Variants in COP1 observed in about 807,000 individuals in gnomAD.
COP1 encodes the protein E3 ubiquitin-protein ligase COP1.
A neutral mutation model predicts 101.3 loss-of-function variants in COP1; 24 were observed. The ratio of observed to expected loss-of-function variants is 0.24; its 90% CI spans 0.17 to 0.33. The LOEUF (loss-of-function observed/expected upper bound fraction) is 0.33, where lower values mean the gene tolerates loss of function less well. Among genes scored for constraint, COP1 ranks in the 10% least tolerant of loss-of-function variants. The pLI is 1.00. For synonymous variants in COP1, 347 were observed against 341.9 expected (o/e 1.01, Z -0.17); for missense variants, 663 against 906.2 (o/e 0.73, Z 3.45).
At chr1:175,994,647 A>G (rs1429221095) in intron 15 of COP1, among the ~76,000 whole-genome samples, 1 of 152,252 alleles carries the variant, frequency 6.6e-6, no homozygotes, top group African/African-American at 2.4e-5. Flanking sequence ...ACAGACAAAG[A>G]AGGCCATTAC....
intron 14 of COP1, among the ~76,000 whole-genome samples, chr1:176,030,891 G>A (rs955194354): frequency 6.6e-6 from 1 of 152,172 alleles, no homozygotes; most frequent in African/African-American, 2.4e-5. Flanking sequence ...CGTCAGACTA[G>A]ATTAGGATGG....
intron 11 of COP1, among the ~76,000 whole-genome samples, chr1:176,066,475 T>C (rs928492514): frequency 6.6e-6 from 1 of 152,116 alleles, no homozygotes; most frequent in African/African-American, 2.4e-5. Context: ...ACTTTGCCCA[T>C]TTTATCCTAA....
chr1:175,979,135 A>G (rs1443204589), intron 18 of COP1, among the ~76,000 whole-genome samples: 1 of 152,094 alleles, frequency 6.6e-6, no homozygotes, highest in Non-Finnish European at 1.5e-5. Flanking sequence ...TGTTCATATA[A>G]TTTCCCAAGG....
Position 176,099,516 on chromosome 1 carries a change from TC to T in COP1, c.1027-13627del, listed in dbSNP as rs1320509083. The stretch of plus-strand genomic sequence containing the variant: ...TTTGGAGCATATTTGTCTCTCTCTC[TC>T]TCTCTCTCTCTCTCTCTCTCTCTCC... On this transcript the variant is annotated intron_variant, in intron 9 of 19. Transcript: ENST00000367669. Among the ~76,000 whole-genome samples, 730 of 119,670 alleles carry T rather than the reference TC, an allele frequency of 6.1e-3. 2 individuals carry two copies. Among genetic ancestry groups the T allele is most frequent in the Non-Finnish European group, 9.9e-3 (522 of 52,800 alleles). The allele number at this position is 119,670 out of a possible 152,430, so 78.5% of individuals were successfully genotyped here.
intron 9 of COP1, among the ~76,000 whole-genome samples, chr1:176,108,676 G>C (rs779210767): frequency 6.6e-6 from 1 of 151,492 alleles, no homozygotes; most frequent in Non-Finnish European, 1.5e-5. Flanking sequence ...GATTTCTTTG[G>C]TATCTAGTAT....
Position 176,207,127 on chromosome 1 carries a change from T to A in COP1, c.-149A>T. 1.8e-6 allele frequency: 1 copy of A among 564,562 alleles called. No individual in the cohort carries two copies. The highest frequency in any genetic ancestry group is 3.5e-5 in the East Asian group (1 of 28,610). 35.0% of individuals were successfully genotyped at this position (564,562 alleles called of 1,614,324 possible). ...TGAGGAACAATAAAGTTGCGTTTTT[T>A]TTTAAGGCAGCCACACAACAGCGTC... is the stretch of plus-strand genomic sequence containing the variant. On this transcript the variant is annotated 5_prime_UTR_variant, in exon 1 of 20. Coordinates refer to ENST00000367669, the MANE Select transcript of COP1 (RefSeq NM_022457.7).
At chr1:176,149,664 T>C (rs1032509396) in intron 5 of COP1, among the ~76,000 whole-genome samples, 3 of 152,078 alleles carry the variant, frequency 2.0e-5, no homozygotes, top group Non-Finnish European at 2.9e-5. Flanking sequence ...GTAACTCAAA[T>C]TGGTAATTGA....
At chr1:176,184,564 T>C in intron 2 of COP1, 69 bp downstream of exon 2, 1 of 1,275,090 alleles carries the variant, frequency 7.8e-7, no homozygotes. Context: ...ACGTAACTTC[T>C]CATTGGCTAC....
intron 15 of COP1, among the ~76,000 whole-genome samples, chr1:176,014,763 T>G (rs979070357): frequency 1.3e-5 from 2 of 152,162 alleles, no homozygotes; most frequent in African/African-American, 4.8e-5. Context: ...TACATATATA[T>G]GTACACTATA....
chr1:176,111,649 T>C (rs1368255514), intron 9 of COP1, among the ~76,000 whole-genome samples: 1 of 152,202 alleles, frequency 6.6e-6, no homozygotes, highest in Non-Finnish European at 1.5e-5. Flanking sequence ...TCCTTAATGA[T>C]ACTAAGTTTT....
chr1:176,065,398 C>G (rs1675737814), intron 11 of COP1, among the ~76,000 whole-genome samples: 1 of 152,146 alleles, frequency 6.6e-6, no homozygotes, highest in Admixed American at 6.5e-5. Context: ...AGTTATCATA[C>G]CTAGGACAAA....
At chr1:176,039,604 T>C (rs900535586) in intron 14 of COP1, among the ~76,000 whole-genome samples, 2 of 151,944 alleles carry the variant, frequency 1.3e-5, no homozygotes, top group African/African-American at 4.8e-5. Context: ...TACCTTAAAA[T>C]TCATATAGAA....
chr1:176,102,216 C>A (rs1330501853), intron 9 of COP1, among the ~76,000 whole-genome samples: 2 of 152,130 alleles, frequency 1.3e-5, no homozygotes, highest in Non-Finnish European at 2.9e-5. Flanking sequence ...AGGCAAGAAA[C>A]CTGCTAGCAG....
At chr1:176,191,114 A>T (rs552671973) in intron 1 of COP1, among the ~76,000 whole-genome samples, 3 of 152,170 alleles carry the variant, frequency 2.0e-5, no homozygotes, top group South Asian at 4.1e-4. Flanking sequence ...TTTTACATGC[A>T]TTATATACTC....
intron 1 of COP1, among the ~76,000 whole-genome samples, chr1:176,204,089 C>T (rs184965072): frequency 9.2e-4 from 140 of 152,236 alleles, no homozygotes; most frequent in African/African-American, 3.2e-3. Context: ...TACATGTACT[C>T]GAACTTACAG....
At chr1:176,014,165 CAGAA>C (rs1338098534) in intron 15 of COP1, among the ~76,000 whole-genome samples, 1 of 152,140 alleles carries the variant, frequency 6.6e-6, no homozygotes, top group Non-Finnish European at 1.5e-5. Flanking sequence ...CAGAAGAAAA[CAGAA>C]AGTAAGAGAA....
chr1:176,127,945 G>T (rs1399018069), intron 8 of COP1, among the ~76,000 whole-genome samples: 1 of 152,022 alleles, frequency 6.6e-6, no homozygotes, highest in South Asian at 2.1e-4. Context: ...GAAATGTGAG[G>T]TGATGTGCAT....
intron 12 of COP1, among the ~76,000 whole-genome samples, chr1:176,045,805 A>G (rs1394248514): frequency 2.0e-5 from 3 of 152,118 alleles, no homozygotes; most frequent in East Asian, 1.9e-4. Context: ...AACAATTCTA[A>G]TATGTTGAGA....
At position 176,177,277 on chromosome 1, in the gene COP1, TA is replaced by T. The variant is rs537066925; in HGVS notation, c.468-1271del. ...CTTTTACATTTGTGTGCCTCCCTAT[TA>T]AAAAAAACACTCCTTAAGTATTTTT... is the stretch of plus-strand genomic sequence containing the variant. On this transcript the variant is annotated intron_variant, in intron 2 of 19. Transcript: ENST00000367669. Among the ~76,000 whole-genome samples, 9 of 147,944 alleles carry T rather than the reference TA, an allele frequency of 6.1e-5. No homozygotes were observed. The East Asian group carries it at 1.4e-3, about 23-fold the overall frequency.
Sources: allele counts gnomAD v4.1 joint callset (sites outside exome capture counted in the v4.1 genomes callset), GRCh38; gene constraint gnomAD v4.1.1; transcripts MANE v1.5; gene names NCBI Gene and HGNC (gene_info 2026-07-23, HGNC 2026-07-21).